The following ADAMTS19 variants were observed in gnomAD, a reference collection of about 807,000 sequenced individuals.
The protein encoded by ADAMTS19 is A disintegrin and metalloproteinase with thrombospondin motifs 19.
ADAMTS19 carries 93 observed loss-of-function variants against 153.3 expected under a neutral mutation model. That is an observed-to-expected ratio of 0.61 (90% CI 0.51 to 0.72). The LOEUF (loss-of-function observed/expected upper bound fraction) is 0.72, where lower values mean the gene tolerates loss of function less well. Among genes scored for constraint, ADAMTS19 ranks in the 30% least tolerant of loss-of-function variants. ADAMTS19 has a pLI of 0.00. For missense variants in ADAMTS19, 1,482 were observed against 1,552.1 expected (o/e 0.95, Z 0.76); for synonymous variants, 600 against 556.6 (o/e 1.08, Z -1.10).
At chr5:129,638,572 CACAT>C (rs746118320) in intron 10 of ADAMTS19, among the ~76,000 whole-genome samples, 2,569 of 59,080 alleles carry the variant, frequency 0.043, 60 homozygotes, top group African/African-American at 0.18. Flanking sequence ...CACACACACA[CACAT>C]ACACACACAC....
At chr5:129,602,436 A>T (rs1476083) in intron 8 of ADAMTS19, among the ~76,000 whole-genome samples, 87,849 of 152,026 alleles carry the variant, frequency 0.58, 26,936 homozygotes, top group Non-Finnish European at 0.69. Context: ...TTGAGTTGCC[A>T]AAGGGTTTCT....
intron 2 of ADAMTS19, among the ~76,000 whole-genome samples, chr5:129,462,112 T>C (rs192193235): frequency 6.6e-6 from 1 of 152,352 alleles, no homozygotes; most frequent in African/African-American, 2.4e-5. Context: ...TTTTAGGAAC[T>C]CGAAAGACAA....
intron 21 of ADAMTS19, among the ~76,000 whole-genome samples, chr5:129,723,305 G>A (rs1175426081): frequency 6.6e-6 from 1 of 152,064 alleles, no homozygotes; most frequent in Non-Finnish European, 1.5e-5. Flanking sequence ...ATTATTTTCA[G>A]GTAAAATAAA....
At chr5:129,588,926 G>GA (rs1749956298) in intron 7 of ADAMTS19, among the ~76,000 whole-genome samples, 1 of 151,204 alleles carries the variant, frequency 6.6e-6, no homozygotes, top group African/African-American at 2.4e-5. Context: ...CTCTCCAGTT[G>GA]TTTTCTTTTT....
chr5:129,737,067 C>T lies in ADAMTS19; in HGVS notation c.3491C>T (p.Ala1164Val). 1 of 1,583,068 alleles carries T rather than the reference C, an allele frequency of 6.3e-7. No individual in the cohort carries two copies. ...GAATTCACTATGTTCTGTTTCACAG[C>T]TGCTCTGACTTTCAAGTGCCTGGGA... ...NVNTITSPRL[A>V]ALTFKCLGDQ... Residue 1164 changes from alanine to valine, a missense_variant and splice_region_variant, in exon 23 of 23, where the codon GCT (alanine) becomes GTT (valine). Physicochemically the swap from Ala to Val is moderately conservative, Grantham distance 64. Coordinates refer to ENST00000274487, the MANE Select transcript of ADAMTS19 (RefSeq NM_133638.6).
chr5:129,516,649 T>G (rs1476807083), intron 3 of ADAMTS19, among the ~76,000 whole-genome samples: 2 of 151,904 alleles, frequency 1.3e-5, no homozygotes, highest in Admixed American at 1.3e-4. Context: ...AATGTCTTCT[T>G]TTTCATTTCT....
chr5:129,535,528 C>A (rs1209834495), intron 6 of ADAMTS19, among the ~76,000 whole-genome samples: 1 of 152,144 alleles, frequency 6.6e-6, no homozygotes, highest in African/African-American at 2.4e-5. Context: ...ATCAAGCTAC[C>A]AATGACTTTC....
intron 19 of ADAMTS19, among the ~76,000 whole-genome samples, chr5:129,700,932 A>G (rs1755811994): frequency 6.6e-6 from 1 of 151,946 alleles, no homozygotes; most frequent in South Asian, 2.1e-4. Context: ...GTCTCCATGT[A>G]ACATTCTGCT....
At chr5:129,507,029 A>C (rs2126721368) in intron 2 of ADAMTS19, among the ~76,000 whole-genome samples, 1 of 152,128 alleles carries the variant, frequency 6.6e-6, no homozygotes, top group Admixed American at 6.6e-5. Context: ...CTTTTCTTGG[A>C]GTCATTAAAT....
chr5:129,682,757 T>C (rs1293362326), intron 17 of ADAMTS19, among the ~76,000 whole-genome samples: 1 of 152,196 alleles, frequency 6.6e-6, no homozygotes, highest in Non-Finnish European at 1.5e-5. Context: ...TAGTACACTG[T>C]ATGTGTTACG....
At chr5:129,537,275 A>C (rs908773529) in intron 6 of ADAMTS19, among the ~76,000 whole-genome samples, 1 of 152,122 alleles carries the variant, frequency 6.6e-6, no homozygotes, top group Non-Finnish European at 1.5e-5. Flanking sequence ...GTCAGGAAAC[A>C]ACAGGTGCTG....
intron 20 of ADAMTS19, 138 bp from the exon 21 acceptor site, chr5:129,704,101 C>T (rs1292868528): frequency 1.1e-6 from 1 of 884,680 alleles, no homozygotes; most frequent in Non-Finnish European, 1.7e-6. Context: ...TACCTTTAAA[C>T]TTATTATTTA....
chr5:129,700,953 G>A (rs867835791), intron 19 of ADAMTS19, among the ~76,000 whole-genome samples: 2 of 151,730 alleles, frequency 1.3e-5, no homozygotes, highest in Admixed American at 6.6e-5. Context: ...AACTCTAGAC[G>A]TGTCAAAATA....
At chr5:129,631,238 A>G (rs1226379751) in intron 10 of ADAMTS19, among the ~76,000 whole-genome samples, 2 of 150,918 alleles carry the variant, frequency 1.3e-5, no homozygotes, top group East Asian at 1.9e-4. Context: ...AGATCCAAAA[A>G]TATACTCTGC....
chr5:129,683,241 G>C (rs1222920056), intron 17 of ADAMTS19, among the ~76,000 whole-genome samples: 1 of 120,914 alleles, frequency 8.3e-6, no homozygotes, highest in African/African-American at 3.0e-5. Flanking sequence ...TGTATGTGGG[G>C]GAGGGGGGTG....
intron 3 of ADAMTS19, among the ~76,000 whole-genome samples, chr5:129,512,674 C>G (rs1277441058): frequency 6.6e-6 from 1 of 152,074 alleles, no homozygotes; most frequent in Non-Finnish European, 1.5e-5. Flanking sequence ...TTGGGGCCAA[C>G]ACAGCTGTCA....
At chr5:129,524,020 A>G (rs1322600143) in intron 3 of ADAMTS19, among the ~76,000 whole-genome samples, 1 of 152,164 alleles carries the variant, frequency 6.6e-6, no homozygotes, top group Non-Finnish European at 1.5e-5. Context: ...CCTAAGCAAA[A>G]AGAAAAAAGC....
Position 129,587,401 on chromosome 5 carries a change from C to T in ADAMTS19, c.1373-9158C>T, listed in dbSNP as rs112444014. Among the ~76,000 whole-genome samples, 7 of 151,422 alleles carry T rather than the reference C, an allele frequency of 4.6e-5. No individual in the cohort carries two copies. In the Middle Eastern group the frequency reaches 0.01, roughly 221 times the overall value. The stretch of plus-strand genomic sequence containing the variant: ...TCACTCCTTGGTGACAGTTTATTGT[C>T]GTGGTTTGTTCAAATTGACCTGCTC... On this transcript the variant is annotated intron_variant, in intron 7 of 22. Coordinates refer to ENST00000274487, the MANE Select transcript of ADAMTS19 (RefSeq NM_133638.6).
intron 21 of ADAMTS19, among the ~76,000 whole-genome samples, chr5:129,720,296 C>T (rs981015511): frequency 5.3e-5 from 8 of 151,398 alleles, no homozygotes; most frequent in African/African-American, 7.3e-5. Flanking sequence ...CTCAGCCTCC[C>T]GAGTAGCTAG....
Sources: gnomAD v4.1 joint callset for allele counts (sites outside exome capture counted in the v4.1 genomes callset) on GRCh38, gnomAD v4.1.1 for gene constraint, MANE v1.5 for transcripts, NCBI Gene and HGNC (gene_info 2026-07-23, HGNC 2026-07-21) for gene names.